The following SUPT3H variants were observed in gnomAD, a reference collection of about 807,000 sequenced individuals.
SUPT3H encodes the protein SPT3 homolog, SAGA and STAGA complex component, also known as transcription initiation protein SPT3 homolog.
In SUPT3H, 44 loss-of-function variants were observed where a neutral mutation model predicts 44.3. That is an observed-to-expected ratio of 0.99 (90% CI 0.78 to 1.28). SUPT3H has a LOEUF of 1.28. SUPT3H is among the 50% of genes most tolerant of loss of function. SUPT3H has a pLI of 0.00. For missense variants in SUPT3H, 380 were observed against 387.1 expected (o/e 0.98, Z 0.15); for synonymous variants, 124 against 125.6 (o/e 0.99, Z 0.09).
At chr6:45,251,943 T>C (rs1304310387) in intron 2 of SUPT3H, among the ~76,000 whole-genome samples, 1 of 151,820 alleles carries the variant, frequency 6.6e-6, no homozygotes, top group African/African-American at 2.4e-5. Context: ...AAAAAAAACA[T>C]TATCTCAAAT....
chr6:44,831,614 T>C (rs1306582547), intron 10 of SUPT3H, among the ~76,000 whole-genome samples: 2 of 152,178 alleles, frequency 1.3e-5, no homozygotes, highest in Non-Finnish European at 2.9e-5. Context: ...TTTAACATCA[T>C]GTATTATTTA....
chr6:44,865,567 G>A (rs1036896497), intron 10 of SUPT3H, among the ~76,000 whole-genome samples: 4 of 152,072 alleles, frequency 2.6e-5, no homozygotes, highest in African/African-American at 9.7e-5. Context: ...AGGCAAGAGA[G>A]AGAATGAGCA....
chr6:45,336,416 C>T (rs2150110521), intron 2 of SUPT3H, among the ~76,000 whole-genome samples: 1 of 151,272 alleles, frequency 6.6e-6, no homozygotes, highest in East Asian at 1.9e-4. Flanking sequence ...TCACAAGTAC[C>T]CAGGAAGAAA....
intron 10 of SUPT3H, among the ~76,000 whole-genome samples, chr6:44,899,842 G>T (rs552745389): frequency 6.6e-6 from 1 of 152,274 alleles, no homozygotes; most frequent in South Asian, 2.1e-4. Flanking sequence ...TACTCTGGAG[G>T]TTGATCCATG....
At chr6:44,858,421 CGGATGAA>C (rs1380321781) in intron 10 of SUPT3H, among the ~76,000 whole-genome samples, 2 of 152,122 alleles carry the variant, frequency 1.3e-5, no homozygotes, top group African/African-American at 4.8e-5. Flanking sequence ...CTCCATTTTA[CGGATGAA>C]GAAGCTGAGA....
chr6:44,988,953 A>C (rs1023877712), intron 6 of SUPT3H, among the ~76,000 whole-genome samples: 3 of 152,090 alleles, frequency 2.0e-5, no homozygotes, highest in Non-Finnish European at 2.9e-5. Context: ...ATATTATTAG[A>C]ATTTATTACG....
chr6:44,964,733 G>A (rs756572678), intron 6 of SUPT3H, among the ~76,000 whole-genome samples: 3 of 151,976 alleles, frequency 2.0e-5, no homozygotes, highest in Non-Finnish European at 4.4e-5. Flanking sequence ...CTGACCCTAG[G>A]GTATATATAA....
chr6:45,232,143 C>A (rs1409957366), intron 2 of SUPT3H, among the ~76,000 whole-genome samples: 1 of 152,172 alleles, frequency 6.6e-6, no homozygotes, highest in East Asian at 1.9e-4. Flanking sequence ...TGTGTCCTAA[C>A]ATTGATATCT....
intron 2 of SUPT3H, chr6:45,250,823 A>G (rs1341307564): frequency 6.6e-6 from 1 of 151,828 alleles, no homozygotes; most frequent in Non-Finnish European, 1.5e-5. Context: ...AGGGCATAAG[A>G]CTGCCTTTTT....
In SUPT3H at chr6:45,153,833, T is replaced by G. The variant is rs147776843; in HGVS notation, c.102-47827A>C. ...CTGTAATCCCAGCACTTTGGGAGGCTGAGGCGGGTGGATCAGTTAAGGTCA... is the reference window on the plus strand; with the variant it reads ...CTGTAATCCCAGCACTTTGGGAGGCGGAGGCGGGTGGATCAGTTAAGGTCA... On this transcript the variant is annotated intron_variant, in intron 2 of 10. Coordinates refer to ENST00000371459, the MANE Select transcript of SUPT3H (RefSeq NM_003599.4). 3.8e-3 allele frequency among the ~76,000 whole-genome samples: 571 copies of G among 152,094 alleles called. 8 individuals carry two copies. Among genetic ancestry groups the G allele is most frequent in the African/African-American group, 0.013 (526 of 41,512 alleles).
At chr6:44,914,721 C>T (rs747264326) in intron 10 of SUPT3H, among the ~76,000 whole-genome samples, 19 of 152,162 alleles carry the variant, frequency 1.2e-4, no homozygotes, top group Non-Finnish European at 2.5e-4. Flanking sequence ...TTCAGACCAT[C>T]GTTCTGTACA....
At chr6:45,248,247 C>G (rs1771728206) in intron 2 of SUPT3H, among the ~76,000 whole-genome samples, 1 of 151,934 alleles carries the variant, frequency 6.6e-6, no homozygotes, top group Non-Finnish European at 1.5e-5. Context: ...AATTGAATTT[C>G]ATAAAAATTA....
chr6:45,296,150 TAC>T (rs1161420642), intron 2 of SUPT3H, among the ~76,000 whole-genome samples: 14 of 147,854 alleles, frequency 9.5e-5, no homozygotes, highest in African/African-American at 3.5e-4. Flanking sequence ...TACATATACA[TAC>T]ACACATATAC....
chr6:45,185,929 A>C (rs1037995029), intron 2 of SUPT3H, among the ~76,000 whole-genome samples: 1 of 152,182 alleles, frequency 6.6e-6, no homozygotes, highest in Non-Finnish European at 1.5e-5. Flanking sequence ...GTACCAATGA[A>C]GCCAAAAAGG....
rs1216957678 is a variant in SUPT3H, at chr6:44,829,123, T to TG, written c.*692dup. On this transcript the variant is annotated 3_prime_UTR_variant, in exon 11 of 11. Transcript: ENST00000371459. Reference sequence around the variant, plus strand: ...ATGGCATGTGCAGGAGTGGTGGATCTGGGGATTGGAGGAACAGGAAAAGGA... The same window carrying TG: ...ATGGCATGTGCAGGAGTGGTGGATCTGGGGGATTGGAGGAACAGGAAAAGGA... 4.6e-5 allele frequency: 7 copies of TG among 152,328 alleles called. No homozygotes were observed. The highest frequency in any genetic ancestry group is 1.0e-4 in the Non-Finnish European group (7 of 68,118). The allele number at this position is 152,328 out of a possible 1,614,324, so 9.4% of individuals were successfully genotyped here. A position where few individuals can be genotyped will look rare whatever the true frequency, so the allele number is the denominator to read the frequency against.
intron 2 of SUPT3H, among the ~76,000 whole-genome samples, chr6:45,310,155 C>G: frequency 6.6e-6 from 1 of 152,164 alleles, no homozygotes; most frequent in Non-Finnish European, 1.5e-5. Context: ...CCTGTGATTG[C>G]CGCTTTTCCT....
rs190308789 is a variant in SUPT3H, at chr6:45,301,724, A to G, written c.101+63477T>C. Among the ~76,000 whole-genome samples, 931 of 152,290 alleles carry G rather than the reference A, an allele frequency of 6.1e-3. 10 individuals are homozygous for G. The highest frequency in any genetic ancestry group is 0.034 in the Middle Eastern group (10 of 294). ...AAAGCAAGGATCATTTTAGTTTATC[A>G]ATCTTTATATTATCGGTATGTGGCA... is the stretch of plus-strand genomic sequence containing the variant. On this transcript the variant is annotated intron_variant, in intron 2 of 10. Coordinates refer to ENST00000371459, the MANE Select transcript of SUPT3H (RefSeq NM_003599.4).
Position 45,024,115 on chromosome 6 carries a change from T to C in SUPT3H, c.187-3483A>G, listed in dbSNP as rs532574582. ...TTTTTTCTGATTAATATTACTTCTA[T>C]TTGTCAAAGTAAACAAAATATTAAC... On this transcript the variant is annotated intron_variant, in intron 3 of 10. Coordinates refer to ENST00000371459, the MANE Select transcript of SUPT3H (RefSeq NM_003599.4). 3.3e-5 allele frequency among the ~76,000 whole-genome samples: 5 copies of C among 152,272 alleles called. No homozygotes were observed. In the South Asian group the frequency reaches 1.0e-3, roughly 32 times the overall value.
intron 2 of SUPT3H, among the ~76,000 whole-genome samples, chr6:45,259,664 T>C (rs1366597263): frequency 5.9e-5 from 9 of 152,110 alleles, no homozygotes; most frequent in South Asian, 2.1e-4. Flanking sequence ...CCCATTCTAG[T>C]AGAGAAAACT....
Sources: gnomAD v4.1 joint callset for allele counts (sites outside exome capture counted in the v4.1 genomes callset) on GRCh38, gnomAD v4.1.1 for gene constraint, MANE v1.5 for transcripts, NCBI Gene and HGNC (gene_info 2026-07-23, HGNC 2026-07-21) for gene names.